EVL: variants seen among roughly 807,000 people sequenced by gnomAD.
EVL encodes Enah/Vasp-like.
A neutral mutation model predicts 59.6 loss-of-function variants in EVL; 21 were observed. That is an observed-to-expected ratio of 0.35 (90% CI 0.25 to 0.51). EVL has a LOEUF of 0.51. Ranked by LOEUF, EVL falls within the 20% of genes least tolerant of loss-of-function variation. EVL has a pLI of 0.97. For missense variants in EVL, 462 were observed against 546.6 expected, an observed-to-expected ratio of 0.85 and a Z score of 1.54; for synonymous variants, 198 against 203.5, an observed-to-expected ratio of 0.97 and a Z score of 0.23.
chr14:100,000,382 C>G (rs2060938792), intron 1 of EVL, among the ~76,000 whole-genome samples: 1 of 121,754 alleles, frequency 8.2e-6, no homozygotes. Flanking sequence ...GAGTCTCGCT[C>G]TGTCACCCAG....
chr14:100,054,105 A>G (rs1595101750), intron 1 of EVL, among the ~76,000 whole-genome samples: 1 of 117,948 alleles, frequency 8.5e-6, no homozygotes, highest in East Asian at 2.6e-4. Flanking sequence ...GCCAGGCTGG[A>G]GTGCAGTGGC....
chr14:100,042,242 G>A (rs752701675), intron 1 of EVL, among the ~76,000 whole-genome samples: 7 of 152,038 alleles, frequency 4.6e-5, no homozygotes, highest in African/African-American at 1.2e-4. Flanking sequence ...TCAAGTGCTC[G>A]GTAGTCACAC....
chr14:100,099,926 T>C (rs890074287), intron 3 of EVL, among the ~76,000 whole-genome samples: 1 of 137,306 alleles, frequency 7.3e-6, no homozygotes, highest in African/African-American at 2.7e-5. Context: ...TTAATTTAAG[T>C]GGTTGGTCTG....
At chr14:100,027,165 A>G (rs898073218) in intron 1 of EVL, among the ~76,000 whole-genome samples, 1 of 152,234 alleles carries the variant, frequency 6.6e-6, no homozygotes, top group African/African-American at 2.4e-5. Context: ...ATATTTTGAT[A>G]CAAGCATACA....
intron 2 of EVL, among the ~76,000 whole-genome samples, chr14:100,085,529 T>C (rs1356147826): frequency 6.6e-6 from 1 of 152,192 alleles, no homozygotes; most frequent in African/African-American, 2.4e-5. Context: ...TCTCTTCTTA[T>C]AGATTGACAA....
chr14:100,104,643 G>C (rs1305453712), intron 3 of EVL, among the ~76,000 whole-genome samples: 3 of 152,194 alleles, frequency 2.0e-5, no homozygotes, highest in African/African-American at 7.2e-5. Context: ...CGTTATGATG[G>C]GGATGAGGTA....
rs532532793 is a variant in EVL, at chr14:100,019,282, C to T, written c.5+47225C>T. On this transcript the variant is annotated intron_variant, in intron 1 of 13. Coordinates refer to the EVL transcript ENST00000402714. Reference sequence around the variant, plus strand: ...TTCCTTTCAGCCTTCTCTCCTCTCTCCCCAACCTGCACAGTTCTGGTAGGG... The same window carrying T: ...TTCCTTTCAGCCTTCTCTCCTCTCTTCCCAACCTGCACAGTTCTGGTAGGG... 2.5e-5 allele frequency: 5 copies of T among 199,924 alleles called. No homozygotes were observed. In the East Asian group the frequency reaches 5.8e-4, roughly 23 times the overall value. 12.4% of individuals were successfully genotyped at this position (199,924 alleles called of 1,614,324 possible).
At chr14:100,004,692 C>G (rs2060967378) in intron 1 of EVL, among the ~76,000 whole-genome samples, 1 of 152,148 alleles carries the variant, frequency 6.6e-6, no homozygotes, top group African/African-American at 2.4e-5. Context: ...GATTGTTTCT[C>G]ATATAAAATT....
intron 1 of EVL, among the ~76,000 whole-genome samples, chr14:100,077,882 C>T (rs1355998857): frequency 6.6e-6 from 1 of 152,188 alleles, no homozygotes; most frequent in Admixed American, 6.5e-5. Context: ...ACGCCATTCT[C>T]CTGCCTCAGC....
At chr14:100,079,761 T>G (rs2062251848) in intron 1 of EVL, among the ~76,000 whole-genome samples, 1 of 152,160 alleles carries the variant, frequency 6.6e-6, no homozygotes, top group Non-Finnish European at 1.5e-5. Context: ...TTCAGAAACC[T>G]TGTTCCCAGC....
intron 1 of EVL, among the ~76,000 whole-genome samples, chr14:99,979,604 T>C (rs1193072248): frequency 2.0e-5 from 3 of 152,252 alleles, no homozygotes; most frequent in Admixed American, 6.5e-5. Flanking sequence ...GTGCGGTGGC[T>C]CACGCCTGTA....
intron 3 of EVL, among the ~76,000 whole-genome samples, chr14:100,101,210 C>T (rs962296334): frequency 3.9e-5 from 6 of 152,050 alleles, no homozygotes; most frequent in African/African-American, 1.2e-4. Context: ...TTAGGCCGGG[C>T]GCGGTGGCTC....
intron 1 of EVL, among the ~76,000 whole-genome samples, chr14:99,977,813 T>C (rs908884466): frequency 6.6e-6 from 1 of 151,690 alleles, no homozygotes; most frequent in African/African-American, 2.4e-5. Context: ...AAGTCATGGA[T>C]GGCTGGGCAC....
chr14:100,021,538 A>T (rs959776388), intron 1 of EVL, among the ~76,000 whole-genome samples: 3 of 152,210 alleles, frequency 2.0e-5, no homozygotes, highest in African/African-American at 7.2e-5. Context: ...GGGGCAACAC[A>T]GGGACTCTAG....
chr14:100,121,007 C>G lies in EVL; in HGVS notation c.359-2532C>G, dbSNP rs529372430. On this transcript the variant is annotated intron_variant, in intron 3 of 13. Transcript: ENST00000392920. The stretch of plus-strand genomic sequence containing the variant: ...TCCCACCATCCCCATCGCCCTGACT[C>G]CTGTGGAATCCAAGCTCAGCTCGGG... Among the ~76,000 whole-genome samples, 3 of 152,338 alleles carry G rather than the reference C, an allele frequency of 2.0e-5. No individual in the cohort carries two copies. The South Asian group carries it at 6.2e-4, about 32-fold the overall frequency.
At chr14:99,993,685 CTTT>C (rs532512303) in intron 1 of EVL, among the ~76,000 whole-genome samples, 2 of 78,306 alleles carry the variant, frequency 2.6e-5, no homozygotes, top group Non-Finnish European at 4.7e-5. Flanking sequence ...TTCTTTCTTT[CTTT>C]TTTTTTTTTT....
intron 1 of EVL, among the ~76,000 whole-genome samples, chr14:100,012,949 A>G (rs1002024327): frequency 2.0e-5 from 3 of 152,234 alleles, no homozygotes; most frequent in African/African-American, 2.4e-5. Context: ...TAATTTGAGG[A>G]TAGTGGCCCA....
chr14:100,058,043 A>G (rs1482046176), intron 1 of EVL, among the ~76,000 whole-genome samples: 1 of 152,222 alleles, frequency 6.6e-6, no homozygotes, highest in Non-Finnish European at 1.5e-5. Flanking sequence ...TTTCATTCAC[A>G]AACATCCCAA....
intron 6 of EVL, among the ~76,000 whole-genome samples, chr14:100,129,307 G>A (rs1441111222): frequency 1.4e-5 from 2 of 141,882 alleles, no homozygotes; most frequent in Non-Finnish European, 3.1e-5. Flanking sequence ...TCTTGGCAAA[G>A]ACACTAACCA....
Sources: allele counts gnomAD v4.1 joint callset (sites outside exome capture counted in the v4.1 genomes callset), GRCh38; gene constraint gnomAD v4.1.1; transcripts MANE v1.5; gene names NCBI Gene and HGNC (gene_info 2026-07-23, HGNC 2026-07-21).